The following ADGRG6 variants were observed in gnomAD, a reference collection of about 807,000 sequenced individuals.
The protein encoded by ADGRG6 is adhesion G protein-coupled receptor G6.
In ADGRG6, 84 loss-of-function variants were observed where a neutral mutation model predicts 142.4. The observed-to-expected ratio is 0.59, with a 90% CI of 0.49 to 0.71. The LOEUF is 0.71. Ranked by LOEUF, ADGRG6 falls within the 30% of genes least tolerant of loss-of-function variation. The probability of loss-of-function intolerance (pLI) is 0.00; values close to 1 mark genes in which losing one functional copy is unlikely to be tolerated. For synonymous variants in ADGRG6, 521 were observed against 520.5 expected (o/e 1.00, Z -0.01); for missense variants, 1,367 against 1,466.6 (o/e 0.93, Z 1.11).
chr6:142,320,913 A>G (rs1778483708), intron 2 of ADGRG6, among the ~76,000 whole-genome samples: 1 of 152,056 alleles, frequency 6.6e-6, no homozygotes, highest in Non-Finnish European at 1.5e-5. Context: ...GATAAATTCT[A>G]TATCTATCAT....
intron 2 of ADGRG6, among the ~76,000 whole-genome samples, chr6:142,321,017 C>A (rs1489790258): frequency 6.6e-6 from 1 of 151,348 alleles, no homozygotes; most frequent in Non-Finnish European, 1.5e-5. Flanking sequence ...ATATTAAAGA[C>A]AAATATCCAC....
intron 7 of ADGRG6, among the ~76,000 whole-genome samples, chr6:142,392,297 T>C (rs1001032207): frequency 2.0e-5 from 3 of 151,940 alleles, no homozygotes; most frequent in Non-Finnish European, 2.9e-5. Flanking sequence ...AACTGCATCA[T>C]AGAAGCTTCT....
intron 2 of ADGRG6, among the ~76,000 whole-genome samples, chr6:142,313,870 T>C (rs906680968): frequency 6.6e-6 from 1 of 152,174 alleles, no homozygotes; most frequent in Non-Finnish European, 1.5e-5. Flanking sequence ...AAAATCCTTT[T>C]ATGAATGTCC....
intron 6 of ADGRG6, among the ~76,000 whole-genome samples, chr6:142,385,051 G>T (rs554018244): frequency 4.6e-5 from 7 of 151,830 alleles, no homozygotes; most frequent in Non-Finnish European, 8.8e-5. Flanking sequence ...TTCTAACTAA[G>T]TATTTCACTC....
At chr6:142,372,064 A>C (rs1781286130) in intron 4 of ADGRG6, among the ~76,000 whole-genome samples, 3 of 152,134 alleles carry the variant, frequency 2.0e-5, no homozygotes, top group Admixed American at 2.0e-4. Context: ...TGAGACTGTA[A>C]ATGTGCTATT....
chr6:142,356,435 G>T (rs1160655713), intron 2 of ADGRG6, among the ~76,000 whole-genome samples: 1 of 152,180 alleles, frequency 6.6e-6, no homozygotes, highest in Non-Finnish European at 1.5e-5. Flanking sequence ...CATGCAACCT[G>T]TATTGGCTGT....
At position 142,402,054 on chromosome 6, in the gene ADGRG6, T is replaced by C; in HGVS notation, c.1740T>C (p.Cys580=). ...TYWGPVDISN[C]LKEANEVANQ... is the part of the protein sequence containing the mutation. ...GGGGACCTGTTGATATCTCCAACTG[T>C]TTAAGTAAGTGAGCAGTTTTCCTTT... Residue 580 remains cysteine, a synonymous_variant, in exon 12 of 25, where the codon TGT becomes TGC. Coordinates refer to ENST00000367609, the MANE Select transcript of ADGRG6 (RefSeq NM_198569.3). The C allele has an allele frequency of 6.6e-7, 1 of 1,506,036 alleles. No homozygotes were observed. The highest frequency in any genetic ancestry group is 9.2e-7 in the Non-Finnish European group (1 of 1,091,586). 93.3% of individuals were successfully genotyped at this position (1,506,036 alleles called of 1,614,324 possible).
chr6:142,316,565 C>CTGTTTT (rs1778083490), intron 2 of ADGRG6, among the ~76,000 whole-genome samples: 1 of 152,148 alleles, frequency 6.6e-6, no homozygotes, highest in Non-Finnish European at 1.5e-5. Flanking sequence ...TTTATACACA[C>CTGTTTT]AGTTCCTTTC....
At chr6:142,314,033 T>G (rs545759803) in intron 2 of ADGRG6, among the ~76,000 whole-genome samples, 4 of 152,348 alleles carry the variant, frequency 2.6e-5, no homozygotes, top group Admixed American at 6.5e-5. Context: ...TCCAAATTAC[T>G]GTCTGAAGCT....
At chr6:142,342,101 A>G (rs1325057490) in intron 2 of ADGRG6, among the ~76,000 whole-genome samples, 1 of 152,054 alleles carries the variant, frequency 6.6e-6, no homozygotes, top group Non-Finnish European at 1.5e-5. Flanking sequence ...CTGCTGCTGC[A>G]AGGATCTGTG....
intron 2 of ADGRG6, among the ~76,000 whole-genome samples, chr6:142,318,357 T>C (rs1339550930): frequency 1.0e-5 from 1 of 97,484 alleles, no homozygotes; most frequent in Non-Finnish European, 1.8e-5. Flanking sequence ...TTATATATTA[T>C]ATAATATTTA....
chr6:142,350,738 G>A (rs1780132408), intron 2 of ADGRG6, among the ~76,000 whole-genome samples: 1 of 152,108 alleles, frequency 6.6e-6, no homozygotes. Flanking sequence ...CAAGCAAATT[G>A]ATCAGTTCTT....
In ADGRG6 at chr6:142,302,014, C is replaced by G. The variant is rs1162006643; in HGVS notation, c.-316C>G. The G allele has an allele frequency of 2.1e-6, 1 of 467,206 alleles. No individual in the cohort carries two copies. The highest frequency in any genetic ancestry group is 3.7e-6 in the Non-Finnish European group (1 of 267,064). The allele number at this position is 467,206 out of a possible 1,614,324, so 28.9% of individuals were successfully genotyped here. A position where few individuals can be genotyped will look rare whatever the true frequency, so the allele number is the denominator to read the frequency against. ...CGCGCACCCCTGCCTGGCCCGGTCT[C>G]CTCAGCACCAGCCCCACGCACACCC... is the stretch of plus-strand genomic sequence containing the variant. On this transcript the variant is annotated 5_prime_UTR_variant, in exon 1 of 25. Transcript: ENST00000367609.
intron 21 of ADGRG6, 72 bp from the exon 22 acceptor site, chr6:142,419,749 G>A: frequency 2.5e-6 from 3 of 1,220,440 alleles, no homozygotes; most frequent in Middle Eastern, 2.0e-4. Flanking sequence ...CCCAAACTAA[G>A]CTGAGAAAAG....
intron 1 of ADGRG6, among the ~76,000 whole-genome samples, chr6:142,306,834 C>T (rs1202523427): frequency 6.6e-6 from 1 of 152,118 alleles, no homozygotes; most frequent in African/African-American, 2.4e-5. Flanking sequence ...TTTCCTTCCT[C>T]TGTTCTATTC....
chr6:142,351,991 G>A (rs914843549), intron 2 of ADGRG6, among the ~76,000 whole-genome samples: 1 of 152,162 alleles, frequency 6.6e-6, no homozygotes, highest in Non-Finnish European at 1.5e-5. Context: ...GCAGAGAAAG[G>A]TGAACACTTA....
At chr6:142,386,432 C>T (rs1562357014) in intron 6 of ADGRG6, among the ~76,000 whole-genome samples, 1 of 152,274 alleles carries the variant, frequency 6.6e-6, no homozygotes. Flanking sequence ...GCTGTACATA[C>T]ATTTAAGAAA....
At chr6:142,368,995 C>T (rs573481939) in intron 3 of ADGRG6, among the ~76,000 whole-genome samples, 17 of 152,086 alleles carry the variant, frequency 1.1e-4, no homozygotes, top group African/African-American at 4.1e-4. Context: ...TATAAACTGC[C>T]TTATATTTAA....
chr6:142,338,259 C>T (rs922798289), intron 2 of ADGRG6, among the ~76,000 whole-genome samples: 34 of 151,064 alleles, frequency 2.3e-4, no homozygotes, highest in Middle Eastern at 3.4e-3. Context: ...CCGTCCGCCT[C>T]GGCCTCCCAA....
Sources: gnomAD v4.1 joint callset for allele counts (sites outside exome capture counted in the v4.1 genomes callset) on GRCh38, gnomAD v4.1.1 for gene constraint, MANE v1.5 for transcripts, NCBI Gene and HGNC (gene_info 2026-07-23, HGNC 2026-07-21) for gene names.